NPRL3: variants seen among roughly 807,000 people sequenced by gnomAD.
NPRL3 encodes GATOR1 complex protein NPRL3.
In NPRL3, 23 loss-of-function variants were observed where a neutral mutation model predicts 57.2. The ratio of observed to expected loss-of-function variants is 0.40; its 90% CI spans 0.29 to 0.57. NPRL3 has a LOEUF of 0.57. Ranked by LOEUF, NPRL3 falls within the 20% of genes least tolerant of loss-of-function variation. The probability of loss-of-function intolerance (pLI) is 0.42; values close to 1 mark genes in which losing one functional copy is unlikely to be tolerated. For synonymous variants in NPRL3, 333 were observed against 321.1 expected, an observed-to-expected ratio of 1.04 and a Z score of -0.39; for missense variants, 691 against 767.1, an observed-to-expected ratio of 0.90 and a Z score of 1.17.
At chr16:92,098 T>C (rs1480992250) in intron 11 of NPRL3, among the ~76,000 whole-genome samples, 3 of 152,078 alleles carry the variant, frequency 2.0e-5, no homozygotes, top group African/African-American at 7.2e-5. Context: ...AATGAGGAGA[T>C]TCTGGGGACC....
At position 93,472 on chromosome 16, in the gene NPRL3, C is replaced by T. The variant is rs181883960; in HGVS notation, c.925-147G>A. ...CAGAACACACCTGGTGGCTATGGCCCGAGACTTCCTCCCTAACGTGGAATA... is the reference window on the plus strand; with the variant it reads ...CAGAACACACCTGGTGGCTATGGCCTGAGACTTCCTCCCTAACGTGGAATA... On this transcript the variant is annotated intron_variant, in intron 9 of 13. Transcript: ENST00000611875. The T allele has an allele frequency of 1.7e-4, 108 of 635,564 alleles. No homozygotes were observed. In the African/African-American group the frequency reaches 1.7e-3, roughly 10 times the overall value. 39.4% of individuals were successfully genotyped at this position (635,564 alleles called of 1,614,324 possible).
Position 138,077 on chromosome 16 carries a change from G to C in NPRL3, c.118+73C>G, listed in dbSNP as rs1201511395. 4 of 1,119,380 alleles carry C rather than the reference G, an allele frequency of 3.6e-6. No individual in the cohort carries two copies. The African/African-American group carries it at 6.3e-5, about 18-fold the overall frequency. 69.3% of individuals were successfully genotyped at this position (1,119,380 alleles called of 1,614,324 possible). A position where few individuals can be genotyped will look rare whatever the true frequency, so the allele number is the denominator to read the frequency against. On this transcript the variant is annotated intron_variant, in intron 2 of 13. Coordinates refer to ENST00000611875, the MANE Select transcript of NPRL3 (RefSeq NM_001077350.3). ...CAGCAAAAGCTAAGCTCCGCGAGGC[G>C]GCCCTGGAATGAGGCGACCCCGGAA...
At chr16:121,420 C>T (rs536405266) in intron 3 of NPRL3, among the ~76,000 whole-genome samples, 2 of 152,026 alleles carry the variant, frequency 1.3e-5, no homozygotes, top group Admixed American at 1.3e-4. Context: ...GTCAGGAGTT[C>T]GAGACCAGCA....
intron 9 of NPRL3, 105 bp from the exon 10 acceptor site, chr16:93,430 C>T (rs1266001070): frequency 2.7e-6 from 2 of 735,918 alleles, no homozygotes; most frequent in African/African-American, 1.7e-5. Context: ...CCTGGAGAAG[C>T]TGGCCCCAGC....
At chr16:88,167 G>A (rs547120416) in intron 13 of NPRL3, among the ~76,000 whole-genome samples, 28 of 152,280 alleles carry the variant, frequency 1.8e-4, no homozygotes, top group African/African-American at 6.5e-4. Flanking sequence ...CTGGATGCCC[G>A]CAGGGCTTAC....
intron 3 of NPRL3, among the ~76,000 whole-genome samples, chr16:123,722 A>C (rs550768346): frequency 5.3e-5 from 8 of 152,064 alleles, no homozygotes; most frequent in African/African-American, 1.7e-4. Flanking sequence ...AAACAGGATC[A>C]CACACTCCCC....
At chr16:95,865 C>T (rs183465217) in intron 9 of NPRL3, among the ~76,000 whole-genome samples, 17 of 152,320 alleles carry the variant, frequency 1.1e-4, no homozygotes, top group Non-Finnish European at 2.4e-4. Context: ...CCACTGCACC[C>T]AGCCACATGA....
intron 7 of NPRL3, among the ~76,000 whole-genome samples, chr16:107,125 G>A (rs1435942267): frequency 6.6e-6 from 1 of 152,188 alleles, no homozygotes; most frequent in Non-Finnish European, 1.5e-5. Flanking sequence ...GAATGCGTAG[G>A]TCAGGAAAGA....
chr16:86,984 G>A, intron 13 of NPRL3, 114 bp from the exon 14 acceptor site: 2 of 1,125,818 alleles, frequency 1.8e-6, no homozygotes, highest in Non-Finnish European at 2.5e-6. Flanking sequence ...AACAGAGCTG[G>A]TGGTGAAGGC....
rs561801222 is a variant in NPRL3 at position 101,097 on chromosome 16, G to A, written c.630-588C>T. On this transcript the variant is annotated intron_variant, in intron 7 of 13. Transcript: ENST00000611875. ...GAGAGAAGCCGTACCCTGTCCTGGG[G>A]ACTCAGTGCACTAGAGGCACTCTAA... 2.4e-4 allele frequency among the ~76,000 whole-genome samples: 37 copies of A among 152,056 alleles called. 1 individual carries two copies. Among genetic ancestry groups the A allele is most frequent in the African/African-American group, 8.2e-4 (34 of 41,494 alleles).
rs971353239 is a variant in NPRL3 at position 128,700 on chromosome 16, G to A, written c.188+1822C>T. Among the ~76,000 whole-genome samples, 15 of 152,282 alleles carry A rather than the reference G, an allele frequency of 9.9e-5. No homozygotes were observed. In the East Asian group the frequency reaches 2.7e-3, roughly 27 times the overall value. On this transcript the variant is annotated intron_variant, in intron 3 of 13. Transcript: ENST00000611875. ...GGAGAATGGTGTGAACCCGGGAGGCGGAGCCTGCAGTGAGCTGAGATCGCG... is the reference window on the plus strand; with the variant it reads ...GGAGAATGGTGTGAACCCGGGAGGCAGAGCCTGCAGTGAGCTGAGATCGCG...
chr16:87,634 TCTCCTCCTCCCGCCAAG>T (rs1382085555), intron 13 of NPRL3, among the ~76,000 whole-genome samples: 2 of 150,800 alleles, frequency 1.3e-5, no homozygotes, highest in Non-Finnish European at 3.0e-5. Flanking sequence ...TTCCCGCCAT[TCTCCTCCTCCCGCCAAG>T]CTCCGCCTCC....
At chr16:124,184 A>G (rs1399642727) in intron 3 of NPRL3, among the ~76,000 whole-genome samples, 1 of 152,186 alleles carries the variant, frequency 6.6e-6, no homozygotes, top group Non-Finnish European at 1.5e-5. Context: ...AACGCTTACC[A>G]TGGGGTTTTC....
intron 9 of NPRL3, 127 bp downstream of exon 9, chr16:98,018 C>A: frequency 8.5e-7 from 1 of 1,180,194 alleles, no homozygotes; most frequent in East Asian, 2.4e-5. Flanking sequence ...TGGCCCCACC[C>A]CATGGTGGGC....
chr16:85,651 G>C lies in NPRL3; in HGVS notation c.*1054C>G. ...TGGAGCCCAGTGAGCCGGCTGTAGT[G>C]GCAGCAGCCCGGGTGGGCGTCGGCC... is the stretch of plus-strand genomic sequence containing the variant. On this transcript the variant is annotated 3_prime_UTR_variant, in exon 14 of 14. Coordinates refer to ENST00000611875, the MANE Select transcript of NPRL3 (RefSeq NM_001077350.3). 6.3e-7 allele frequency: 1 copy of C among 1,590,294 alleles called. No homozygotes were observed. The highest frequency in any genetic ancestry group is 8.6e-7 in the Non-Finnish European group (1 of 1,164,034).
chr16:127,144 T>C (rs1596536217), intron 3 of NPRL3: 2 of 152,548 alleles, frequency 1.3e-5, no homozygotes, highest in East Asian at 3.8e-4. Context: ...AGTGCTGGGA[T>C]TACAGGCATG....
intron 5 of NPRL3, among the ~76,000 whole-genome samples, chr16:116,974 C>CA (rs34231279): frequency 4.7e-5 from 7 of 149,742 alleles, no homozygotes; most frequent in East Asian, 3.9e-4. Context: ...GATTCTGTCT[C>CA]AAAAAAAAAA....
intron 3 of NPRL3, among the ~76,000 whole-genome samples, chr16:130,072 C>T (rs1217131040): frequency 6.6e-6 from 1 of 152,108 alleles, no homozygotes; most frequent in Admixed American, 6.5e-5. Context: ...CACACCATCC[C>T]AGCTCTAAGC....
intron 3 of NPRL3, chr16:125,076 CA>C (rs61016911): frequency 0.12 from 8,318 of 67,016 alleles, 235 homozygotes; most frequent in Middle Eastern, 0.28. Flanking sequence ...AACTTTGTCT[CA>C]AAAAAAAAAA....
Sources: gnomAD v4.1 joint callset for allele counts (sites outside exome capture counted in the v4.1 genomes callset) on GRCh38, gnomAD v4.1.1 for gene constraint, MANE v1.5 for transcripts, NCBI Gene and HGNC (gene_info 2026-07-23, HGNC 2026-07-21) for gene names.